Variants in DPYD observed in about 807,000 individuals in gnomAD.
The protein encoded by DPYD is dihydropyrimidine dehydrogenase [NADP(+)].
DPYD carries 109 observed loss-of-function variants against 116.2 expected under a neutral mutation model. That is an observed-to-expected ratio of 0.94 (90% CI 0.80 to 1.10). DPYD has a LOEUF of 1.10. Ranked by LOEUF, DPYD falls within the 50% of genes least tolerant of loss-of-function variation. The pLI, the probability that DPYD is intolerant of heterozygous loss-of-function variation, is 0.00. For synonymous variants in DPYD, 440 were observed against 432.0 expected (o/e 1.02, Z -0.23); for missense variants, 1,302 against 1,254.5 (o/e 1.04, Z -0.57).
chr1:97,282,423 GA>G lies in DPYD; in HGVS notation c.2299+22835del, dbSNP rs1665386897. Among the ~76,000 whole-genome samples, 8 of 151,746 alleles carry G rather than the reference GA, an allele frequency of 5.3e-5. No individual in the cohort carries two copies. The South Asian group carries it at 1.7e-3, about 32-fold the overall frequency. ...ATTTTCTCTTTTTTTCAGAGATGCA[GA>G]GGTTGTTTAATATTAGGAAATACAT... On this transcript the variant is annotated intron_variant, in intron 18 of 22. Coordinates refer to ENST00000370192, the MANE Select transcript of DPYD (RefSeq NM_000110.4).
intron 13 of DPYD, among the ~76,000 whole-genome samples, chr1:97,468,944 C>CA (rs529972486): frequency 6.6e-6 from 1 of 151,860 alleles, no homozygotes; most frequent in African/African-American, 2.4e-5. Context: ...TAATGGATTC[C>CA]AAAAAAATTA....
chr1:97,292,811 G>A (rs373796559), intron 18 of DPYD, among the ~76,000 whole-genome samples: 13 of 151,730 alleles, frequency 8.6e-5, no homozygotes, highest in African/African-American at 2.9e-4. Context: ...CAAGGGTTTG[G>A]GGATCTGGGA....
At chr1:97,847,533 G>A (rs1670364475) in intron 2 of DPYD, among the ~76,000 whole-genome samples, 1 of 152,042 alleles carries the variant, frequency 6.6e-6, no homozygotes, top group Non-Finnish European at 1.5e-5. Context: ...GGGAATAAAG[G>A]CATGCTAATT....
At chr1:97,188,219 G>C (rs931976129) in intron 20 of DPYD, among the ~76,000 whole-genome samples, 3 of 152,022 alleles carry the variant, frequency 2.0e-5, no homozygotes, top group African/African-American at 7.2e-5. Flanking sequence ...ATCCTAATGA[G>C]AGCCTTTTAA....
At chr1:97,779,708 C>A (rs560851769) in intron 3 of DPYD, among the ~76,000 whole-genome samples, 3 of 151,900 alleles carry the variant, frequency 2.0e-5, no homozygotes, top group Admixed American at 6.6e-5. Context: ...GAAATCATGG[C>A]GTGCATTTTG....
At chr1:97,688,126 G>GTAAAA (rs1660830908) in intron 7 of DPYD, among the ~76,000 whole-genome samples, 1 of 151,834 alleles carries the variant, frequency 6.6e-6, no homozygotes, top group Non-Finnish European at 1.5e-5. Context: ...ATCCTGGAAC[G>GTAAAA]TAAAATAAAA....
At chr1:97,683,504 T>G (rs1213966464) in intron 7 of DPYD, among the ~76,000 whole-genome samples, 1 of 151,830 alleles carries the variant, frequency 6.6e-6, no homozygotes, top group East Asian at 1.9e-4. Flanking sequence ...CTTTGGGAAA[T>G]GACAAATATA....
At chr1:97,182,656 G>T (rs1314896566) in intron 20 of DPYD, among the ~76,000 whole-genome samples, 1 of 152,056 alleles carries the variant, frequency 6.6e-6, no homozygotes, top group Non-Finnish European at 1.5e-5. Flanking sequence ...ACATGGACAA[G>T]AAGTACAGGG....
intron 18 of DPYD, among the ~76,000 whole-genome samples, chr1:97,291,868 C>A (rs10465748): frequency 0.58 from 87,493 of 149,902 alleles, 25,540 homozygotes; most frequent in South Asian, 0.71. Flanking sequence ...CTAAAAAAAA[C>A]CCTAAATTCC....
At chr1:97,916,079 A>G (rs1674195220) in intron 1 of DPYD, among the ~76,000 whole-genome samples, 1 of 152,196 alleles carries the variant, frequency 6.6e-6, no homozygotes, top group Non-Finnish European at 1.5e-5. Flanking sequence ...GCTGTATTCA[A>G]ATAGTTAAAG....
At chr1:97,528,274 A>C (rs913376089) in intron 12 of DPYD, among the ~76,000 whole-genome samples, 7 of 152,300 alleles carry the variant, frequency 4.6e-5, no homozygotes, top group African/African-American at 1.4e-4. Context: ...TATTATTCAT[A>C]ATAAAATTTC....
intron 18 of DPYD, among the ~76,000 whole-genome samples, chr1:97,235,551 G>C (rs557895188): frequency 1.3e-5 from 2 of 151,560 alleles, no homozygotes; most frequent in South Asian, 4.2e-4. Context: ...TTGAATCCAC[G>C]AGGCGGAGGT....
chr1:97,266,893 T>G (rs1337035691), intron 18 of DPYD, among the ~76,000 whole-genome samples: 2 of 152,280 alleles, frequency 1.3e-5, no homozygotes, highest in Admixed American at 6.5e-5. Flanking sequence ...TATTCCACGG[T>G]GTATATGTGC....
chr1:97,397,436 TGTATAATGACAC>T (rs1201345523), intron 14 of DPYD, among the ~76,000 whole-genome samples: 2 of 152,054 alleles, frequency 1.3e-5, no homozygotes, highest in Non-Finnish European at 2.9e-5. Flanking sequence ...GTTTGGACAA[TGTATAATGACAC>T]GTATCCATTG....
At chr1:97,767,665 A>T (rs3920740) in intron 3 of DPYD, among the ~76,000 whole-genome samples, 148,350 of 152,022 alleles carry the variant, frequency 0.98, 72,506 homozygotes, top group Middle Eastern at 1. Context: ...TAAGCAGAAC[A>T]ACCTACACAA....
intron 1 of DPYD, chr1:97,883,834 C>CAAAA (rs11414362): frequency 3.7e-5 from 14 of 377,836 alleles, no homozygotes; most frequent in East Asian, 8.0e-5. Context: ...TTAGGAATCA[C>CAAAA]AAAAAAAAAA....
intron 14 of DPYD, among the ~76,000 whole-genome samples, chr1:97,382,936 T>C (rs1672060735): frequency 6.6e-6 from 1 of 152,202 alleles, no homozygotes; most frequent in Non-Finnish European, 1.5e-5. Flanking sequence ...ATAGTACACA[T>C]AATAATATCT....
intron 10 of DPYD, among the ~76,000 whole-genome samples, chr1:97,574,404 G>T (rs559615868): frequency 8.5e-5 from 13 of 152,226 alleles, no homozygotes; most frequent in African/African-American, 3.1e-4. Flanking sequence ...TAAAGTGGGT[G>T]AGCCAATCTG....
chr1:97,537,802 G>A (rs12096383), intron 12 of DPYD, among the ~76,000 whole-genome samples: 39,083 of 152,054 alleles, frequency 0.26, 5,256 homozygotes, highest in Middle Eastern at 0.32. Context: ...AAAAATATAC[G>A]TTGAGGGCAT....
Sources: allele counts gnomAD v4.1 joint callset (sites outside exome capture counted in the v4.1 genomes callset), GRCh38; gene constraint gnomAD v4.1.1; transcripts MANE v1.5; gene names NCBI Gene and HGNC (gene_info 2026-07-23, HGNC 2026-07-21).